The following CACNB4 variants were observed in gnomAD, a reference collection of about 807,000 sequenced individuals.
The protein encoded by CACNB4 is calcium voltage-gated channel auxiliary subunit beta 4, also known as voltage-dependent L-type calcium channel subunit beta-4.
CACNB4 carries 32 observed loss-of-function variants against 71.2 expected under a neutral mutation model. The observed-to-expected ratio is 0.45, with a 90% confidence interval of 0.34 to 0.60. The LOEUF is 0.60. Ranked by LOEUF, CACNB4 falls within the 20% of genes least tolerant of loss-of-function variation. The probability of loss-of-function intolerance (pLI) is 0.01; values close to 1 mark genes in which losing one functional copy is unlikely to be tolerated. For missense variants in CACNB4, 464 were observed against 647.9 expected (o/e 0.72, Z 3.08); for synonymous variants, 231 against 236.9 (o/e 0.97, Z 0.23).
chr2:151,899,142 T>C (rs181999379), intron 2 of CACNB4, among the ~76,000 whole-genome samples: 34 of 152,324 alleles, frequency 2.2e-4, no homozygotes, highest in Non-Finnish European at 3.4e-4. Flanking sequence ...GAGGCCCTTC[T>C]TCTAGCTGGT....
At chr2:151,872,919 T>C (rs573501465) in intron 5 of CACNB4, 1 of 153,440 alleles carries the variant, frequency 6.5e-6, no homozygotes, top group Non-Finnish European at 1.5e-5. Flanking sequence ...TCGTAGGGAA[T>C]TGGTCACGAA....
chr2:151,916,218 CT>C (rs2099857481), intron 2 of CACNB4, among the ~76,000 whole-genome samples: 1 of 152,162 alleles, frequency 6.6e-6, no homozygotes, highest in Admixed American at 6.5e-5. Context: ...TTCCTGGATC[CT>C]TTCTTAAGGT....
chr2:151,875,440 A>T (rs1303358311), intron 5 of CACNB4, among the ~76,000 whole-genome samples: 1 of 151,406 alleles, frequency 6.6e-6, no homozygotes. Flanking sequence ...TCTTTTCCCC[A>T]CCTTTCCCCC....
chr2:151,845,488 A>G (rs1366515680), intron 12 of CACNB4, among the ~76,000 whole-genome samples: 3 of 152,260 alleles, frequency 2.0e-5, no homozygotes, highest in East Asian at 3.8e-4. Context: ...AGGGAAAACA[A>G]TTTTTAAAAA....
At chr2:152,081,236 T>C (rs1209398527) in intron 2 of CACNB4, among the ~76,000 whole-genome samples, 2 of 152,162 alleles carry the variant, frequency 1.3e-5, no homozygotes, top group African/African-American at 4.8e-5. Flanking sequence ...AATAGTCAAG[T>C]GCACCAGCTT....
At chr2:151,862,302 A>G (rs1029141523) in intron 9 of CACNB4, among the ~76,000 whole-genome samples, 3 of 152,336 alleles carry the variant, frequency 2.0e-5, no homozygotes, top group African/African-American at 7.2e-5. Flanking sequence ...AGAATTTAAA[A>G]TAGTCCTTTC....
intron 9 of CACNB4, among the ~76,000 whole-genome samples, chr2:151,862,054 A>T (rs1408353860): frequency 6.6e-6 from 1 of 152,134 alleles, no homozygotes; most frequent in Non-Finnish European, 1.5e-5. Flanking sequence ...GCCTTTCTCC[A>T]TTCTCATCTT....
At chr2:151,909,683 G>C (rs1480214196) in intron 2 of CACNB4, among the ~76,000 whole-genome samples, 1 of 151,924 alleles carries the variant, frequency 6.6e-6, no homozygotes, top group African/African-American at 2.4e-5. Flanking sequence ...TTTGGTTTTC[G>C]TTCTTGTGTT....
At position 151,866,829 on chromosome 2, in the gene CACNB4, G is replaced by C. The variant is rs528309765; in HGVS notation, c.758+2348C>G. 2.0e-5 allele frequency: 3 copies of C among 150,456 alleles called. No individual in the cohort carries two copies. In the East Asian group the frequency reaches 7.3e-4, roughly 37 times the overall value. 9.3% of individuals were successfully genotyped at this position (150,456 alleles called of 1,614,324 possible). On this transcript the variant is annotated intron_variant, in intron 9 of 13. Transcript: ENST00000539935. ...CAGCTATTACTTTTGCTACTGCTGG[G>C]CTCTTCCTCCAGACCCTCTGCCATG...
chr2:152,006,624 G>C (rs570250218), intron 2 of CACNB4, among the ~76,000 whole-genome samples: 10 of 152,050 alleles, frequency 6.6e-5, no homozygotes, highest in Non-Finnish European at 5.9e-5. Flanking sequence ...TCAAACTCCT[G>C]ACCTCAAGTG....
intron 2 of CACNB4, among the ~76,000 whole-genome samples, chr2:151,915,847 C>CAAAA (rs143625402): frequency 3.7e-5 from 3 of 82,010 alleles, no homozygotes; most frequent in African/African-American, 9.1e-5. Context: ...AGCTCCATCT[C>CAAAA]AAAAAAAAAA....
chr2:152,040,936 A>C (rs1400892110), intron 2 of CACNB4, among the ~76,000 whole-genome samples: 1 of 152,180 alleles, frequency 6.6e-6, no homozygotes. Flanking sequence ...GTCCACATAA[A>C]CAAAATTGCA....
In CACNB4 at chr2:151,844,883, T is replaced by C. The variant is rs572837225; in HGVS notation, c.1117-2795A>G. Among the ~76,000 whole-genome samples, 3 of 152,352 alleles carry C rather than the reference T, an allele frequency of 2.0e-5. No homozygotes were observed. In the East Asian group the frequency reaches 5.8e-4, roughly 29 times the overall value. On this transcript the variant is annotated intron_variant, in intron 12 of 13. Transcript: ENST00000539935. ...CATTTTATTTATGTGAACCATAAAA[T>C]TTGATTACATGGGTCTCATTCTATA...
At chr2:151,910,680 A>G (rs1470087277) in intron 2 of CACNB4, among the ~76,000 whole-genome samples, 6 of 152,206 alleles carry the variant, frequency 3.9e-5, no homozygotes, top group Non-Finnish European at 8.8e-5. Context: ...TACCAGTACC[A>G]TGCTGTTTTG....
At chr2:151,989,873 T>C (rs75001673) in intron 2 of CACNB4, among the ~76,000 whole-genome samples, 2,902 of 152,304 alleles carry the variant, frequency 0.019, 88 homozygotes, top group African/African-American at 0.065. Flanking sequence ...TTTGGAAATC[T>C]AGGAATCATC....
intron 2 of CACNB4, among the ~76,000 whole-genome samples, chr2:151,988,386 C>T (rs915484479): frequency 4.6e-5 from 7 of 152,172 alleles, no homozygotes; most frequent in African/African-American, 1.7e-4. Flanking sequence ...ACTTCACCCA[C>T]ATCCTGGCGG....
At chr2:151,937,003 T>C (rs182855235) in intron 2 of CACNB4, among the ~76,000 whole-genome samples, 2 of 152,374 alleles carry the variant, frequency 1.3e-5, no homozygotes, top group East Asian at 3.9e-4. Flanking sequence ...TGCGTCTCAC[T>C]GAATAAGTTT....
At chr2:151,924,125 C>T (rs2099859641) in intron 2 of CACNB4, among the ~76,000 whole-genome samples, 1 of 127,034 alleles carries the variant, frequency 7.9e-6, no homozygotes, top group Admixed American at 9.7e-5. Context: ...GTCGCCCAGG[C>T]TGGAGTGCAG....
intron 2 of CACNB4, among the ~76,000 whole-genome samples, chr2:151,920,912 A>G (rs545336841): frequency 1.7e-4 from 26 of 152,044 alleles, no homozygotes; most frequent in Admixed American, 7.2e-4. Context: ...GCCAAGGCGG[A>G]CGGATCACGA....
Sources: gnomAD v4.1 joint callset for allele counts (sites outside exome capture counted in the v4.1 genomes callset) on GRCh38, gnomAD v4.1.1 for gene constraint, MANE v1.5 for transcripts, NCBI Gene and HGNC (gene_info 2026-07-23, HGNC 2026-07-21) for gene names.